BMPR1B: variants seen among roughly 807,000 people sequenced by gnomAD.
BMPR1B encodes the protein bone morphogenetic protein receptor type 1B, also known as bone morphogenetic protein receptor type-1B.
In BMPR1B, 12 loss-of-function variants were observed where a neutral mutation model predicts 59.1. That is an observed-to-expected ratio of 0.20 (90% CI 0.13 to 0.33). The LOEUF (loss-of-function observed/expected upper bound fraction) is 0.33, where lower values mean the gene tolerates loss of function less well. Among genes scored for constraint, BMPR1B ranks in the 10% least tolerant of loss-of-function variants. The pLI, the probability that BMPR1B is intolerant of heterozygous loss-of-function variation, is 1.00. For synonymous variants in BMPR1B, 237 were observed against 207.3 expected (o/e 1.14, Z -1.23); for missense variants, 550 against 610.9 (o/e 0.90, Z 1.05).
At chr4:95,098,741 G>C (rs1471857242) in intron 3 of BMPR1B, among the ~76,000 whole-genome samples, 1 of 151,950 alleles carries the variant, frequency 6.6e-6, no homozygotes, top group Non-Finnish European at 1.5e-5. Context: ...TTTTGAGACA[G>C]AGTCTCATTC....
chr4:94,765,136 A>G (rs1247094190), intron 1 of BMPR1B, among the ~76,000 whole-genome samples: 2 of 152,186 alleles, frequency 1.3e-5, no homozygotes, highest in East Asian at 3.8e-4. Flanking sequence ...GATGACACAA[A>G]CAATAAATCT....
At chr4:95,105,881 A>G (rs972678948) in intron 4 of BMPR1B, among the ~76,000 whole-genome samples, 1 of 152,182 alleles carries the variant, frequency 6.6e-6, no homozygotes, top group African/African-American at 2.4e-5. Flanking sequence ...TAGCAGGAGC[A>G]AACAAAGTAG....
At chr4:95,129,087 A>G (rs1396688457) in intron 8 of BMPR1B, among the ~76,000 whole-genome samples, 1 of 152,100 alleles carries the variant, frequency 6.6e-6, no homozygotes, top group Admixed American at 6.6e-5. Context: ...TATGGTGGCA[A>G]GAGTTCCTTC....
chr4:95,123,002 G>A (rs915420682), intron 6 of BMPR1B, among the ~76,000 whole-genome samples: 7 of 151,996 alleles, frequency 4.6e-5, no homozygotes, highest in African/African-American at 7.2e-5. Flanking sequence ...GAAATCACCC[G>A]TGTAAAATTT....
At chr4:95,001,407 C>G (rs1428417113) in intron 3 of BMPR1B, among the ~76,000 whole-genome samples, 1 of 151,958 alleles carries the variant, frequency 6.6e-6, no homozygotes, top group African/African-American at 2.4e-5. Flanking sequence ...TCTCCCACTT[C>G]AAGTAATTTT....
intron 2 of BMPR1B, among the ~76,000 whole-genome samples, chr4:94,958,634 T>C (rs555530020): frequency 1.8e-4 from 28 of 152,224 alleles, no homozygotes; most frequent in Non-Finnish European, 3.4e-4. Flanking sequence ...AAAGGCTTTG[T>C]CTACAGATAC....
At position 94,841,363 on chromosome 4, in the gene BMPR1B, C is replaced by A. The variant is rs369287864; in HGVS notation, c.-182-34468C>A. Among the ~76,000 whole-genome samples, 28 of 150,062 alleles carry A rather than the reference C, an allele frequency of 1.9e-4. No individual in the cohort carries two copies. In the South Asian group the frequency reaches 4.0e-3, roughly 22 times the overall value. ...ATGGCGGGCGCCCCTCCCCCAGCCT[C>A]GCTGCCGCCTTGCAGTTTGATCTCA... On this transcript the variant is annotated intron_variant, in intron 1 of 12. Transcript: ENST00000515059.
chr4:94,914,804 C>A (rs1728421716), intron 2 of BMPR1B, among the ~76,000 whole-genome samples: 1 of 151,972 alleles, frequency 6.6e-6, no homozygotes, highest in Non-Finnish European at 1.5e-5. Flanking sequence ...GACTGTGAGA[C>A]CATATAGATT....
chr4:95,042,867 G>A (rs1049162074), intron 3 of BMPR1B, among the ~76,000 whole-genome samples: 4 of 152,088 alleles, frequency 2.6e-5, no homozygotes, highest in Non-Finnish European at 5.9e-5. Flanking sequence ...GGTTTACTCT[G>A]TAATGATTAA....
chr4:94,892,020 T>C (rs571740968), intron 2 of BMPR1B, among the ~76,000 whole-genome samples: 1 of 152,220 alleles, frequency 6.6e-6, no homozygotes, highest in African/African-American at 2.4e-5. Flanking sequence ...GGGCTGTACT[T>C]GCAAACTTCA....
chr4:94,985,711 A>G (rs1469322173), intron 2 of BMPR1B, among the ~76,000 whole-genome samples: 1 of 152,164 alleles, frequency 6.6e-6, no homozygotes, highest in Non-Finnish European at 1.5e-5. Context: ...CCAAGATTTA[A>G]GGTGAGATGA....
In BMPR1B at chr4:94,841,538, G is replaced by A. The variant is rs187025882; in HGVS notation, c.-182-34293G>A. 2.2e-3 allele frequency among the ~76,000 whole-genome samples: 331 copies of A among 152,228 alleles called. 1 individual carries two copies. The highest frequency in any genetic ancestry group is 7.5e-3 in the African/African-American group (313 of 41,534). On this transcript the variant is annotated intron_variant, in intron 1 of 12. Transcript: ENST00000515059. ...TGACCCGATTTTCCAGGTGCCATCCGTCACCCCTTTCTTTGACTAGGAAAG... is the reference window on the plus strand; with the variant it reads ...TGACCCGATTTTCCAGGTGCCATCCATCACCCCTTTCTTTGACTAGGAAAG...
intron 4 of BMPR1B, among the ~76,000 whole-genome samples, chr4:95,104,955 T>C (rs1470608175): frequency 6.6e-6 from 1 of 152,124 alleles, no homozygotes; most frequent in Non-Finnish European, 1.5e-5. Flanking sequence ...ATCATGCTGA[T>C]GTTAGTATTT....
intron 3 of BMPR1B, among the ~76,000 whole-genome samples, chr4:94,998,487 C>T (rs1722220227): frequency 6.6e-6 from 1 of 151,786 alleles, no homozygotes; most frequent in African/African-American, 2.4e-5. Context: ...GATTCTCCTG[C>T]CTTAGCCTCC....
At chr4:94,931,357 G>A (rs1036016749) in intron 2 of BMPR1B, among the ~76,000 whole-genome samples, 2 of 151,986 alleles carry the variant, frequency 1.3e-5, no homozygotes, top group African/African-American at 4.8e-5. Flanking sequence ...TACACGTCGT[G>A]GACTTTTATG....
chr4:94,769,310 T>A (rs1235555088), intron 1 of BMPR1B, among the ~76,000 whole-genome samples: 1 of 152,206 alleles, frequency 6.6e-6, no homozygotes, highest in Non-Finnish European at 1.5e-5. Context: ...AAGAGAAAGA[T>A]GTTTAAATTC....
chr4:94,978,000 A>G (rs1578873979), intron 2 of BMPR1B, among the ~76,000 whole-genome samples: 1 of 152,326 alleles, frequency 6.6e-6, no homozygotes, highest in African/African-American at 2.4e-5. Flanking sequence ...ACATAACAAG[A>G]ATCTCTTCCT....
chr4:95,134,657 A>G (rs1176337178), intron 10 of BMPR1B, among the ~76,000 whole-genome samples: 1 of 152,168 alleles, frequency 6.6e-6, no homozygotes, highest in Admixed American at 6.5e-5. Flanking sequence ...TTGGCTGCAT[A>G]AATGTCTTCT....
chr4:94,940,831 T>G (rs546356065), intron 2 of BMPR1B, among the ~76,000 whole-genome samples: 2 of 152,076 alleles, frequency 1.3e-5, no homozygotes, highest in South Asian at 4.1e-4. Context: ...CTTTCATCCT[T>G]GAATTACTGG....
Sources: gnomAD v4.1 joint callset for allele counts (sites outside exome capture counted in the v4.1 genomes callset) on GRCh38, gnomAD v4.1.1 for gene constraint, MANE v1.5 for transcripts, NCBI Gene and HGNC (gene_info 2026-07-23, HGNC 2026-07-21) for gene names.